SEMA3D: variants seen among roughly 807,000 people sequenced by gnomAD.
The protein encoded by SEMA3D is semaphorin 3D, also known as semaphorin-3D.
In SEMA3D, 84 loss-of-function variants were observed where a neutral mutation model predicts 100.1. The ratio of observed to expected loss-of-function variants is 0.84; its 90% CI spans 0.70 to 1.01. SEMA3D has a LOEUF of 1.01. SEMA3D is among the 50% of genes least tolerant of loss of function. The probability of loss-of-function intolerance (pLI) is 0.00; values close to 1 mark genes in which losing one functional copy is unlikely to be tolerated. For missense variants in SEMA3D, 875 were observed against 934.1 expected (o/e 0.94, Z 0.82); for synonymous variants, 312 against 320.7 (o/e 0.97, Z 0.29).
intron 2 of SEMA3D, chr7:85,141,771 C>A: frequency 1.2e-6 from 1 of 808,798 alleles, no homozygotes; most frequent in Non-Finnish European, 1.5e-6. Context: ...AGGTTTTTGC[C>A]AAGTCTCATA....
In SEMA3D at chr7:85,060,863, T is replaced by C. The variant is rs79785148; in HGVS notation, c.718+4561A>G. 8.3e-3 allele frequency among the ~76,000 whole-genome samples: 1,266 copies of C among 152,286 alleles called. 19 individuals are homozygous for C. Among genetic ancestry groups the C allele is most frequent in the African/African-American group, 0.029 (1,191 of 41,566 alleles). On this transcript the variant is annotated intron_variant, in intron 8 of 18. Coordinates refer to ENST00000284136, the MANE Select transcript of SEMA3D (RefSeq NM_001384900.1). ...ACTTCAAATGAAAACTGTCTCCATA[T>C]GTTAGAAAAGAAAATTTAAAACAAA... is the stretch of plus-strand genomic sequence containing the variant.
chr7:85,234,725 G>A, the SEMA3D span, among the ~76,000 whole-genome samples: 1 of 152,240 alleles, frequency 6.6e-6, no homozygotes, highest in East Asian at 1.9e-4. Flanking sequence ...GAAAATAACA[G>A]GTGTGTTAAA....
At chr7:85,064,808 T>C (rs1404436394) in intron 8 of SEMA3D, among the ~76,000 whole-genome samples, 1 of 152,170 alleles carries the variant, frequency 6.6e-6, no homozygotes, top group East Asian at 1.9e-4. Flanking sequence ...TATAATATTC[T>C]TATGTTTTTT....
intron 1 of SEMA3D, among the ~76,000 whole-genome samples, chr7:85,173,026 T>C (rs1332321109): frequency 6.6e-6 from 1 of 151,854 alleles, no homozygotes; most frequent in East Asian, 1.9e-4. Context: ...AAGGTTGTAA[T>C]CACACAGTGG....
At chr7:85,225,469 G>A in the SEMA3D span, among the ~76,000 whole-genome samples, 17 of 151,874 alleles carry the variant, frequency 1.1e-4, no homozygotes, top group East Asian at 9.8e-4. Context: ...GGTCTTCCAG[G>A]TGGAGTGGCT....
Position 84,996,353 on chromosome 7 carries a change from G to C in SEMA3D, c.*3087C>G, listed in dbSNP as rs760663164. ...CAAAATTCAAGAGTAAGACCATTTT[G>C]TAGCCAGCATATTGTAAAGAGCATT... On this transcript the variant is annotated 3_prime_UTR_variant, in exon 19 of 19. Transcript: ENST00000284136. 1.3e-4 allele frequency: 19 copies of C among 151,956 alleles called. No homozygotes were observed. The highest frequency in any genetic ancestry group is 2.8e-4 in the Non-Finnish European group (19 of 67,856). The allele number at this position is 151,956 out of a possible 1,614,324, so 9.4% of individuals were successfully genotyped here.
In SEMA3D at chr7:84,997,053, TTAAC is replaced by T. The variant is rs1248833145; in HGVS notation, c.*2383_*2386del. The T allele has an allele frequency of 6.6e-6, 1 of 151,750 alleles. No individual in the cohort carries two copies. The allele number at this position is 151,750 out of a possible 1,614,324, so 9.4% of individuals were successfully genotyped here. A position where few individuals can be genotyped will look rare whatever the true frequency, so the allele number is the denominator to read the frequency against. ...TTACTAATAATATTTTTAATATATTTTAACTAATTATCATAAATCAAGAGTATTG... is the reference window on the plus strand; with the variant it reads ...TTACTAATAATATTTTTAATATATTTTAATTATCATAAATCAAGAGTATTG... On this transcript the variant is annotated 3_prime_UTR_variant, in exon 19 of 19. Transcript: ENST00000284136.
rs1562828152 is a variant in SEMA3D, at chr7:85,126,408, T to TGTGTGTGTC, written c.-40-4478_-40-4477insGACACACAC. ...TGTGTGTGTGTGTGTGTGTGTCGTG[T>TGTGTGTGTC]GTGTGTGTGTGTGTGTGTGTGTGTG... On this transcript the variant is annotated intron_variant, in intron 2 of 18. Coordinates refer to ENST00000284136, the MANE Select transcript of SEMA3D (RefSeq NM_001384900.1). 3.9e-3 allele frequency among the ~76,000 whole-genome samples: 511 copies of TGTGTGTGTC among 130,702 alleles called. 3 individuals carry two copies. The highest frequency in any genetic ancestry group is 0.019 in the Admixed American group (239 of 12,882). 85.7% of individuals were successfully genotyped at this position (130,702 alleles called of 152,430 possible).
chr7:85,006,698 TAATCAAA>T, intron 18 of SEMA3D, 97 bp downstream of exon 18: 1 of 922,726 alleles, frequency 1.1e-6, no homozygotes, highest in Admixed American at 3.1e-5. Context: ...TTATTTTTTT[TAATCAAA>T]TAATGATGAG....
At chr7:85,152,655 G>A (rs1790463325) in intron 2 of SEMA3D, among the ~76,000 whole-genome samples, 1 of 152,084 alleles carries the variant, frequency 6.6e-6, no homozygotes, top group African/African-American at 2.4e-5. Flanking sequence ...TACAAGCAAT[G>A]TGTCTTCAAA....
At chr7:85,247,684 T>C in the SEMA3D span, among the ~76,000 whole-genome samples, 1 of 152,094 alleles carries the variant, frequency 6.6e-6, no homozygotes, top group Non-Finnish European at 1.5e-5. Flanking sequence ...AACGTAACAT[T>C]GGCTAAAGAA....
chr7:85,002,123 G>T (rs1320362205), intron 18 of SEMA3D, among the ~76,000 whole-genome samples: 3 of 151,950 alleles, frequency 2.0e-5, no homozygotes, highest in Non-Finnish European at 4.4e-5. Flanking sequence ...TTGAGGTCTG[G>T]TTCCCTTCCA....
chr7:85,019,350 A>T (rs1259020945), intron 14 of SEMA3D, among the ~76,000 whole-genome samples: 1 of 151,626 alleles, frequency 6.6e-6, no homozygotes, highest in East Asian at 2.0e-4. Context: ...TCCCCTAGGA[A>T]CCACCCAAGA....
chr7:85,161,372 T>C (rs1790739795), intron 1 of SEMA3D, among the ~76,000 whole-genome samples: 1 of 152,066 alleles, frequency 6.6e-6, no homozygotes, highest in Non-Finnish European at 1.5e-5. Context: ...TAGGGGTAAA[T>C]ATAAAATATA....
chr7:85,247,621 G>A, the SEMA3D span, among the ~76,000 whole-genome samples: 3 of 152,098 alleles, frequency 2.0e-5, 1 homozygote, highest in Non-Finnish European at 1.5e-5. Context: ...CAAAGTAGAA[G>A]GAGTGATACT....
the SEMA3D span, among the ~76,000 whole-genome samples, chr7:85,209,962 T>C: frequency 6.6e-6 from 1 of 152,070 alleles, no homozygotes; most frequent in African/African-American, 2.4e-5. Context: ...ACACCAGTAG[T>C]GGAGTGATAA....
chr7:85,247,039 A>G, the SEMA3D span, among the ~76,000 whole-genome samples: 1 of 152,072 alleles, frequency 6.6e-6, no homozygotes, highest in Non-Finnish European at 1.5e-5. Context: ...ATATATCAAT[A>G]CAGTGGTGGC....
intron 2 of SEMA3D, among the ~76,000 whole-genome samples, chr7:85,134,465 G>T: frequency 6.6e-6 from 1 of 151,940 alleles, no homozygotes; most frequent in East Asian, 1.9e-4. Context: ...CAAAACATGA[G>T]TTGTTATAGC....
intron 5 of SEMA3D, among the ~76,000 whole-genome samples, chr7:85,080,040 C>T (rs10260011): frequency 0.44 from 67,607 of 152,002 alleles, 18,202 homozygotes; most frequent in African/African-American, 0.75. Flanking sequence ...CTGTTTCCCA[C>T]TGCATTTTAT....
Sources: gnomAD v4.1 joint callset for allele counts (sites outside exome capture counted in the v4.1 genomes callset) on GRCh38, gnomAD v4.1.1 for gene constraint, MANE v1.5 for transcripts, NCBI Gene and HGNC (gene_info 2026-07-23, HGNC 2026-07-21) for gene names.